SLC30A8: variants seen among roughly 807,000 people sequenced by gnomAD.
SLC30A8 encodes the protein solute carrier family 30 member 8, also known as proton-coupled zinc antiporter SLC30A8.
In SLC30A8, 27 loss-of-function variants were observed where a neutral mutation model predicts 36.9. That is an observed-to-expected ratio of 0.73 (90% confidence interval 0.54 to 1.01). The LOEUF (loss-of-function observed/expected upper bound fraction) is 1.01. SLC30A8 is among the 50% of genes least tolerant of loss of function. SLC30A8 has a pLI of 0.00. For synonymous variants in SLC30A8, 164 were observed against 172.4 expected (o/e 0.95, Z 0.38); for missense variants, 439 against 452.0 (o/e 0.97, Z 0.26).
chr8:117,094,144 G>A (rs1819258163), intron 2 of SLC30A8, among the ~76,000 whole-genome samples: 1 of 152,256 alleles, frequency 6.6e-6, no homozygotes, highest in South Asian at 2.1e-4. Flanking sequence ...AAGGGCCACA[G>A]CTCTTCTCAT....
intron 2 of SLC30A8, among the ~76,000 whole-genome samples, chr8:117,045,092 A>G (rs1301401991): frequency 6.6e-6 from 1 of 152,158 alleles, no homozygotes; most frequent in Non-Finnish European, 1.5e-5. Flanking sequence ...GCAAAATTTC[A>G]TCCTTTCAGC....
chr8:117,041,098 T>G (rs1817374901), intron 2 of SLC30A8, among the ~76,000 whole-genome samples: 1 of 152,158 alleles, frequency 6.6e-6, no homozygotes, highest in Admixed American at 6.5e-5. Flanking sequence ...AACCAAACAG[T>G]TTGCCATTTG....
At chr8:117,096,291 A>G (rs1819359465) in intron 2 of SLC30A8, among the ~76,000 whole-genome samples, 1 of 152,192 alleles carries the variant, frequency 6.6e-6, no homozygotes, top group Non-Finnish European at 1.5e-5. Flanking sequence ...GCTAACCAAT[A>G]GAGGCACTTG....
At chr8:117,118,713 T>TA (rs1820557780) in intron 2 of SLC30A8, among the ~76,000 whole-genome samples, 1 of 151,936 alleles carries the variant, frequency 6.6e-6, no homozygotes, top group Non-Finnish European at 1.5e-5. Flanking sequence ...AGTGTGTCTC[T>TA]AAACACATCT....
At chr8:117,012,914 C>T (rs1816395867) in intron 1 of SLC30A8, among the ~76,000 whole-genome samples, 1 of 151,936 alleles carries the variant, frequency 6.6e-6, no homozygotes, top group Non-Finnish European at 1.5e-5. Context: ...AACAGTGTAT[C>T]ATCTGACAGC....
chr8:117,113,770 T>TG (rs1321794120), intron 2 of SLC30A8, among the ~76,000 whole-genome samples: 1 of 152,128 alleles, frequency 6.6e-6, no homozygotes, highest in Non-Finnish European at 1.5e-5. Flanking sequence ...CTTGTCTACT[T>TG]GGAAAAACTT....
intron 1 of SLC30A8, among the ~76,000 whole-genome samples, chr8:116,965,283 C>T (rs1814561135): frequency 6.6e-6 from 1 of 152,106 alleles, no homozygotes; most frequent in Non-Finnish European, 1.5e-5. Context: ...AGTGGGTCTC[C>T]AAAGGCTAAG....
intron 7 of SLC30A8, among the ~76,000 whole-genome samples, chr8:117,171,585 C>T (rs995210393): frequency 7.2e-5 from 11 of 152,032 alleles, no homozygotes; most frequent in Admixed American, 3.3e-4. Context: ...AAAGAGACAC[C>T]AGCCCCACTC....
chr8:117,174,712 T>TTAAG lies in SLC30A8; in HGVS notation c.*2033_*2036dup, dbSNP rs1446110468. The TTAAG allele has an allele frequency of 2.6e-5, 4 of 152,576 alleles. No homozygotes were observed. Among genetic ancestry groups the TTAAG allele is most frequent in the African/African-American group, 4.8e-5 (2 of 41,456 alleles). 9.5% of individuals were successfully genotyped at this position (152,576 alleles called of 1,614,324 possible). A position where few individuals can be genotyped will look rare whatever the true frequency, so the allele number is the denominator to read the frequency against. ...TTGAAAATCATGTTTAGATTTGATTTTAAGTCAGAAATTCACTGAATGTCA... is the reference window on the plus strand; with the variant it reads ...TTGAAAATCATGTTTAGATTTGATTTTAAGTAAGTCAGAAATTCACTGAATGTCA... On this transcript the variant is annotated 3_prime_UTR_variant, in exon 8 of 8. Coordinates refer to ENST00000456015, the MANE Select transcript of SLC30A8 (RefSeq NM_173851.3).
intron 6 of SLC30A8, among the ~76,000 whole-genome samples, chr8:117,168,750 C>T (rs1823198200): frequency 6.6e-6 from 1 of 152,152 alleles, no homozygotes; most frequent in African/African-American, 2.4e-5. Flanking sequence ...AGATGACACA[C>T]ATTAGGCATA....
At chr8:117,145,241 A>G (rs34506303) in intron 1 of SLC30A8, among the ~76,000 whole-genome samples, 17,673 of 152,144 alleles carry the variant, frequency 0.12, 1,286 homozygotes, top group Non-Finnish European at 0.16. Context: ...AAAGCATCCT[A>G]ATTAATATGG....
chr8:117,155,704 C>T (rs1822446582), intron 3 of SLC30A8, among the ~76,000 whole-genome samples: 1 of 152,086 alleles, frequency 6.6e-6, no homozygotes, highest in Non-Finnish European at 1.5e-5. Flanking sequence ...AAACAACAGA[C>T]ATTTATTGTC....
At chr8:117,010,816 A>G (rs556801557) in intron 1 of SLC30A8, among the ~76,000 whole-genome samples, 3 of 152,286 alleles carry the variant, frequency 2.0e-5, no homozygotes, top group East Asian at 3.9e-4. Context: ...GCACAGCAAG[A>G]GCAAAAGAGA....
rs114069449 is a variant in SLC30A8, at chr8:117,115,491, C to T, written c.-225-19789C>T. 7.6e-3 allele frequency among the ~76,000 whole-genome samples: 1,153 copies of T among 152,168 alleles called. 21 individuals carry two copies. The highest frequency in any genetic ancestry group is 0.026 in the African/African-American group (1,099 of 41,534). On this transcript the variant is annotated intron_variant, in intron 2 of 10. Transcript: ENST00000427715. ...CTTCACCAATTTTGCATTTTGCTAG[C>T]AGCAGTAGGTATTCTCTTTACAATC...
chr8:117,010,517 A>G (rs1816310247), intron 1 of SLC30A8, among the ~76,000 whole-genome samples: 1 of 152,250 alleles, frequency 6.6e-6, no homozygotes, highest in South Asian at 2.1e-4. Flanking sequence ...GCAACGGTCG[A>G]AAAGCATTGT....
intron 2 of SLC30A8, among the ~76,000 whole-genome samples, chr8:117,098,817 A>C (rs1207773701): frequency 6.6e-6 from 1 of 152,154 alleles, no homozygotes; most frequent in Non-Finnish European, 1.5e-5. Flanking sequence ...GAATTGGAGG[A>C]AGTTCAGCAG....
upstream of SLC30A8, among the ~76,000 whole-genome samples, chr8:117,133,158 T>C (rs1464262169): frequency 1.3e-5 from 2 of 152,006 alleles, no homozygotes; most frequent in African/African-American, 4.8e-5. Context: ...TTAGACCACA[T>C]AGGACTTATA....
intron 3 of SLC30A8, among the ~76,000 whole-genome samples, chr8:117,157,350 C>T (rs114893927): frequency 0.016 from 2,383 of 152,192 alleles, 56 homozygotes; most frequent in African/African-American, 0.05. Flanking sequence ...TATTTTACCT[C>T]CTAATAAGTT....
At chr8:117,112,728 A>G (rs987932004) in intron 2 of SLC30A8, among the ~76,000 whole-genome samples, 3 of 152,174 alleles carry the variant, frequency 2.0e-5, no homozygotes, top group African/African-American at 4.8e-5. Flanking sequence ...GATGGATGCA[A>G]TTGCATAAGA....
Sources: gnomAD v4.1 joint callset for allele counts (sites outside exome capture counted in the v4.1 genomes callset) on GRCh38, gnomAD v4.1.1 for gene constraint, MANE v1.5 for transcripts, NCBI Gene and HGNC (gene_info 2026-07-23, HGNC 2026-07-21) for gene names.